The following HIVEP2 variants were observed in gnomAD, a reference collection of about 807,000 sequenced individuals.
The protein encoded by HIVEP2 is transcription factor HIVEP2.
A neutral mutation model predicts 180.7 loss-of-function variants in HIVEP2; 14 were observed. The ratio of observed to expected loss-of-function variants is 0.08; its 90% CI spans 0.05 to 0.12. HIVEP2 has a LOEUF of 0.12. HIVEP2 is among the 10% of genes least tolerant of loss of function. HIVEP2 has a pLI of 1.00. For synonymous variants in HIVEP2, 1,184 were observed against 1,136.4 expected, an observed-to-expected ratio of 1.04 and a Z score of -0.84; for missense variants, 2,579 against 3,008.5, an observed-to-expected ratio of 0.86 and a Z score of 3.34.
intron 2 of HIVEP2, among the ~76,000 whole-genome samples, chr6:142,817,226 A>G (rs923041704): frequency 2.0e-5 from 3 of 152,236 alleles, no homozygotes; most frequent in African/African-American, 7.2e-5. Flanking sequence ...CTTGGTAATT[A>G]ACCTGACTGA....
chr6:142,880,090 C>A (rs1256476641), intron 1 of HIVEP2, among the ~76,000 whole-genome samples: 1 of 152,112 alleles, frequency 6.6e-6, no homozygotes, highest in Admixed American at 6.5e-5. Flanking sequence ...CCACCTACCC[C>A]CTCACTACTC....
rs1774955067 is a variant in HIVEP2, at chr6:142,752,857, A to G, written c.*250T>C. On this transcript the variant is annotated 3_prime_UTR_variant, in exon 10 of 10. Coordinates refer to ENST00000367603, the MANE Select transcript of HIVEP2 (RefSeq NM_006734.4). ...GCTTATAAGAATATAAGCAAAGTAA[A>G]GAAAAGGCACAAACATCTGTACAAT... 1 of 406,880 alleles carries G rather than the reference A, an allele frequency of 2.5e-6. No individual in the cohort carries two copies. The allele number at this position is 406,880 out of a possible 1,614,324, so 25.2% of individuals were successfully genotyped here.
At chr6:142,878,646 C>G (rs1176668106) in intron 1 of HIVEP2, among the ~76,000 whole-genome samples, 1 of 152,142 alleles carries the variant, frequency 6.6e-6, no homozygotes, top group Non-Finnish European at 1.5e-5. Flanking sequence ...TTTTCTGTGC[C>G]TCCCCAGATG....
intron 1 of HIVEP2, among the ~76,000 whole-genome samples, chr6:142,885,250 A>G (rs2128418539): frequency 6.6e-6 from 1 of 152,202 alleles, no homozygotes; most frequent in East Asian, 1.9e-4. Flanking sequence ...ACACACAGCC[A>G]TGGAGGAGGG....
intron 1 of HIVEP2, among the ~76,000 whole-genome samples, chr6:142,870,084 C>T (rs1424659208): frequency 7.9e-5 from 12 of 152,004 alleles, no homozygotes; most frequent in Admixed American, 7.9e-4. Context: ...TCATGTTCTA[C>T]ATATCACAGA....
chr6:142,800,162 T>G (rs1415820410), intron 2 of HIVEP2, among the ~76,000 whole-genome samples: 1 of 152,174 alleles, frequency 6.6e-6, no homozygotes, highest in East Asian at 1.9e-4. Flanking sequence ...ATGGTCTTAA[T>G]AGCTCACAAA....
chr6:142,931,282 A>G (rs1172733759), intron 1 of HIVEP2, among the ~76,000 whole-genome samples: 2 of 151,644 alleles, frequency 1.3e-5, no homozygotes, highest in Non-Finnish European at 3.0e-5. Context: ...TGCTATCTAT[A>G]TAGTGCCTTA....
At chr6:142,859,470 A>AG (rs1034758373) in intron 1 of HIVEP2, among the ~76,000 whole-genome samples, 1 of 151,680 alleles carries the variant, frequency 6.6e-6, no homozygotes, top group African/African-American at 2.4e-5. Context: ...CAAAAAAAAA[A>AG]AAAGAAAGAA....
At chr6:142,777,293 G>A (rs894484315) in intron 3 of HIVEP2, among the ~76,000 whole-genome samples, 5 of 152,084 alleles carry the variant, frequency 3.3e-5, no homozygotes, top group Admixed American at 1.3e-4. Flanking sequence ...ACAGCTATAA[G>A]TACCAATATA....
intron 1 of HIVEP2, among the ~76,000 whole-genome samples, chr6:142,939,541 A>G (rs140685296): frequency 9.7e-4 from 147 of 152,252 alleles, no homozygotes; most frequent in African/African-American, 3.5e-3. Flanking sequence ...GAGTATGAGG[A>G]GCTCCTGACT....
At chr6:142,831,822 C>T (rs1158331516) in intron 2 of HIVEP2, among the ~76,000 whole-genome samples, 1 of 152,128 alleles carries the variant, frequency 6.6e-6, no homozygotes, top group African/African-American at 2.4e-5. Context: ...ATCAGACTTG[C>T]AGATTCATCT....
At chr6:142,908,015 G>C (rs893125986) in intron 1 of HIVEP2, among the ~76,000 whole-genome samples, 1 of 152,186 alleles carries the variant, frequency 6.6e-6, no homozygotes, top group East Asian at 1.9e-4. Context: ...AAGTTTGAGA[G>C]GTCTGAAAGG....
At chr6:142,792,444 C>A (rs1306302359) in intron 2 of HIVEP2, among the ~76,000 whole-genome samples, 1 of 152,066 alleles carries the variant, frequency 6.6e-6, no homozygotes, top group African/African-American at 2.4e-5. Context: ...AGCCATCATT[C>A]TCAGCAAACT....
In HIVEP2 at chr6:142,770,624, T is replaced by G. The variant is rs1775506684; in HGVS notation, c.4115A>C (p.Asn1372Thr). 2.5e-6 allele frequency: 4 copies of G among 1,614,248 alleles called. No homozygotes were observed. Among genetic ancestry groups the G allele is most frequent in the Non-Finnish European group, 2.5e-6 (3 of 1,180,042 alleles). ...PAIVICKVDE[N>T]MTQRTLVTNA... The stretch of plus-strand genomic sequence containing the variant: ...GGTGACCAGTGTCCTTTGGGTCATA[T>G]TCTCATCGACTTTGCATATGACAAT... The change falls in exon 5 of 10, where the codon AAT (asparagine) becomes ACT (threonine). Residue 1372 changes from asparagine (N) to threonine (T), a missense_variant. Asn to Thr is a moderately conservative substitution (Grantham distance 65). Around this residue, in one of 11 missense-constraint regions of HIVEP2, gnomAD observed 523 missense variants for 577.0 expected, o/e 0.91. Coordinates refer to ENST00000367603, the MANE Select transcript of HIVEP2 (RefSeq NM_006734.4). This position sits in a 1 kb window ranked among gnomAD's most constrained non-coding sequence, Gnocchi z 4.7.
intron 7 of HIVEP2, among the ~76,000 whole-genome samples, chr6:142,762,764 G>C (rs889084886): frequency 1.3e-5 from 2 of 152,048 alleles, no homozygotes; most frequent in Non-Finnish European, 2.9e-5. Flanking sequence ...CTGGGACACT[G>C]TTGTTTATTA....
At chr6:142,756,124 C>T (rs900867548) in intron 9 of HIVEP2, among the ~76,000 whole-genome samples, 1 of 152,158 alleles carries the variant, frequency 6.6e-6, no homozygotes, top group African/African-American at 2.4e-5. Flanking sequence ...CACATATGTA[C>T]AAATGTACAT....
intron 2 of HIVEP2, among the ~76,000 whole-genome samples, chr6:142,828,506 A>G (rs1774975332): frequency 6.6e-6 from 1 of 151,774 alleles, no homozygotes; most frequent in Non-Finnish European, 1.5e-5. Context: ...GAGCGATCTC[A>G]GCTCACTACA....
intron 2 of HIVEP2, among the ~76,000 whole-genome samples, chr6:142,832,041 A>C (rs987616500): frequency 1.3e-5 from 2 of 152,014 alleles, no homozygotes; most frequent in Non-Finnish European, 2.9e-5. Flanking sequence ...AAAATGCAAA[A>C]AATCAGCTGG....
Position 142,762,239 on chromosome 6 carries a change from C to T in HIVEP2, c.5519-674G>A, listed in dbSNP as rs188928966. ...CCTAAAATTCTGGAGCAGCAACATT[C>T]CCTCTTTACTTATCTTCAGGCTCCT... On this transcript the variant is annotated intron_variant, in intron 7 of 9. Coordinates refer to ENST00000367603, the MANE Select transcript of HIVEP2 (RefSeq NM_006734.4). Among the ~76,000 whole-genome samples, 295 of 152,208 alleles carry T rather than the reference C, an allele frequency of 1.9e-3. 8 individuals are homozygous for T. The highest frequency in any genetic ancestry group is 6.3e-3 in the African/African-American group (260 of 41,506).
Sources: gnomAD v4.1 joint callset for allele counts (sites outside exome capture counted in the v4.1 genomes callset) on GRCh38, gnomAD v4.1.1 for gene constraint, gnomAD v4.1.1 regional missense constraint, Gnocchi (gnomAD v3.1) non-coding constraint, MANE v1.5 for transcripts, NCBI Gene and HGNC (gene_info 2026-07-23, HGNC 2026-07-21) for gene names.